The following CNTN5 variants were observed in gnomAD, a reference collection of about 807,000 sequenced individuals.
CNTN5 encodes the protein contactin 5.
A neutral mutation model predicts 129.1 loss-of-function variants in CNTN5; 77 were observed. The observed-to-expected ratio is 0.60, with a 90% confidence interval of 0.50 to 0.72. The LOEUF is 0.72. Among genes scored for constraint, CNTN5 ranks in the 30% least tolerant of loss-of-function variants. The pLI, the probability that CNTN5 is intolerant of heterozygous loss-of-function variation, is 0.00. For synonymous variants in CNTN5, 509 were observed against 465.6 expected, an observed-to-expected ratio of 1.09 and a Z score of -1.20; for missense variants, 1,478 against 1,328.8, an observed-to-expected ratio of 1.11 and a Z score of -1.75.
chr11:99,469,647 A>G (rs1007937030), intron 2 of CNTN5, among the ~76,000 whole-genome samples: 3 of 152,122 alleles, frequency 2.0e-5, no homozygotes, highest in African/African-American at 7.2e-5. Context: ...TTCAATGAGG[A>G]TAAATAAATG....
At chr11:99,875,602 G>C (rs902294346) in intron 6 of CNTN5, among the ~76,000 whole-genome samples, 3 of 152,108 alleles carry the variant, frequency 2.0e-5, no homozygotes. Context: ...GAAAACTTCA[G>C]CTTCCTCAGA....
chr11:100,003,811 A>G (rs1409570395), intron 9 of CNTN5: 1 of 152,178 alleles, frequency 6.6e-6, no homozygotes, highest in Admixed American at 6.6e-5. Context: ...GTAAATACAT[A>G]AAAGGGAGTG....
intron 2 of CNTN5, among the ~76,000 whole-genome samples, chr11:99,546,480 G>T (rs76129221): frequency 1.3e-5 from 2 of 151,686 alleles, no homozygotes; most frequent in African/African-American, 4.9e-5. Flanking sequence ...GGAAACTTTA[G>T]TTGTTATAAA....
intron 3 of CNTN5, among the ~76,000 whole-genome samples, chr11:99,693,589 C>A (rs1954132240): frequency 6.6e-6 from 1 of 151,856 alleles, no homozygotes; most frequent in Admixed American, 6.6e-5. Context: ...GAGTAATGGA[C>A]AGTAGAGCTG....
chr11:99,981,656 T>A (rs1441523764), intron 8 of CNTN5, among the ~76,000 whole-genome samples: 5 of 152,178 alleles, frequency 3.3e-5, no homozygotes, highest in Non-Finnish European at 5.9e-5. Flanking sequence ...GATACTGAAA[T>A]CTGAAAGTTC....
intron 2 of CNTN5, among the ~76,000 whole-genome samples, chr11:99,497,931 T>C (rs1946287746): frequency 6.6e-6 from 1 of 152,168 alleles, no homozygotes; most frequent in Non-Finnish European, 1.5e-5. Context: ...TTCCAAAGTG[T>C]TCCAAAGGCC....
chr11:100,355,221 A>C (rs1261213303), intron 24 of CNTN5, among the ~76,000 whole-genome samples: 1 of 151,708 alleles, frequency 6.6e-6, no homozygotes, highest in Non-Finnish European at 1.5e-5. Context: ...TGCTTTTTAA[A>C]CTGTTTTGTT....
intron 3 of CNTN5, among the ~76,000 whole-genome samples, chr11:99,817,856 A>G (rs562334235): frequency 1.0e-5 from 1 of 99,710 alleles, no homozygotes; most frequent in Non-Finnish European, 2.1e-5. Flanking sequence ...AACTCTTTTC[A>G]GTTAAAATTG....
chr11:99,260,386 GA>G, intron 1 of CNTN5, among the ~76,000 whole-genome samples: 1 of 151,568 alleles, frequency 6.6e-6, no homozygotes, highest in Non-Finnish European at 1.5e-5. Flanking sequence ...CTTTCTTTAA[GA>G]AAAAATGGAA....
chr11:99,920,811 C>T (rs1366792901), intron 7 of CNTN5, among the ~76,000 whole-genome samples: 1 of 152,104 alleles, frequency 6.6e-6, no homozygotes, highest in Non-Finnish European at 1.5e-5. Flanking sequence ...AAAACACTTG[C>T]CAACTAATAC....
intron 1 of CNTN5, among the ~76,000 whole-genome samples, chr11:99,290,165 C>T (rs1367195717): frequency 6.6e-6 from 1 of 151,702 alleles, no homozygotes; most frequent in Non-Finnish European, 1.5e-5. Flanking sequence ...TTATTGAGCG[C>T]TTGCCACTTT....
chr11:99,515,274 G>A (rs1947004261), intron 2 of CNTN5, among the ~76,000 whole-genome samples: 1 of 152,084 alleles, frequency 6.6e-6, no homozygotes, highest in South Asian at 2.1e-4. Context: ...TTCTTGTAGT[G>A]TAGATAATTT....
At chr11:100,038,783 A>G (rs1360349266) in intron 9 of CNTN5, among the ~76,000 whole-genome samples, 3 of 152,004 alleles carry the variant, frequency 2.0e-5, no homozygotes, top group Non-Finnish European at 4.4e-5. Flanking sequence ...AGAGACTAGG[A>G]TTGCAACCCC....
At chr11:99,516,031 C>G (rs1239937017) in intron 2 of CNTN5, among the ~76,000 whole-genome samples, 1 of 151,184 alleles carries the variant, frequency 6.6e-6, no homozygotes, top group East Asian at 1.9e-4. Flanking sequence ...GACCGCTTAC[C>G]CTACACTAAA....
intron 2 of CNTN5, among the ~76,000 whole-genome samples, chr11:99,542,186 G>A (rs1439774369): frequency 6.6e-6 from 1 of 151,928 alleles, no homozygotes; most frequent in Non-Finnish European, 1.5e-5. Flanking sequence ...TTTGTAGTAA[G>A]AACATTCCAA....
chr11:99,412,277 A>G (rs1374062569), intron 2 of CNTN5, among the ~76,000 whole-genome samples: 1 of 152,176 alleles, frequency 6.6e-6, no homozygotes, highest in African/African-American at 2.4e-5. Flanking sequence ...AAAGGTGAAT[A>G]GATAGTTTCT....
chr11:99,135,085 A>G (rs909022543), intron 1 of CNTN5, among the ~76,000 whole-genome samples: 1 of 152,190 alleles, frequency 6.6e-6, no homozygotes, highest in African/African-American at 2.4e-5. Context: ...TCTAAGCTTA[A>G]AAACCTCTTG....
Position 99,704,974 on chromosome 11 carries a change from T to C in CNTN5, c.56-114570T>C, listed in dbSNP as rs570685947. Among the ~76,000 whole-genome samples, 251 of 151,398 alleles carry C rather than the reference T, an allele frequency of 1.7e-3. 1 individual carries two copies. The highest frequency in any genetic ancestry group is 5.7e-3 in the African/African-American group (235 of 41,466). ...AATTATTTCCAAATAACACAGTCAT[T>C]TGGACTCCGTTAGATTTAGCCTGTG... is the stretch of plus-strand genomic sequence containing the variant. On this transcript the variant is annotated intron_variant, in intron 3 of 24. Transcript: ENST00000524871.
intron 6 of CNTN5, among the ~76,000 whole-genome samples, chr11:99,899,486 A>G (rs1596306): frequency 0.36 from 54,309 of 151,808 alleles, 10,611 homozygotes; most frequent in Non-Finnish European, 0.45. Flanking sequence ...AGATGATCAT[A>G]TAGTTTTCAT....
Sources: allele counts gnomAD v4.1 joint callset (sites outside exome capture counted in the v4.1 genomes callset), GRCh38; gene constraint gnomAD v4.1.1; transcripts MANE v1.5; gene names NCBI Gene and HGNC (gene_info 2026-07-23, HGNC 2026-07-21).